The following LMBRD1 variants were observed in gnomAD, a reference collection of about 807,000 sequenced individuals.
LMBRD1 encodes the protein LMBR1 domain containing 1.
LMBRD1 carries 64 observed loss-of-function variants against 74.8 expected under a neutral mutation model. That is an observed-to-expected ratio of 0.86 (90% CI 0.70 to 1.05). The LOEUF (loss-of-function observed/expected upper bound fraction) is 1.05. Among genes scored for constraint, LMBRD1 ranks in the 50% least tolerant of loss-of-function variants. The pLI, the probability that LMBRD1 is intolerant of heterozygous loss-of-function variation, is 0.00. For synonymous variants in LMBRD1, 204 were observed against 216.3 expected (o/e 0.94, Z 0.50); for missense variants, 652 against 645.9 (o/e 1.01, Z -0.10).
Position 69,709,601 on chromosome 6 carries a change from C to T in LMBRD1, c.915+4044G>A, listed in dbSNP as rs577469296. 2.0e-5 allele frequency among the ~76,000 whole-genome samples: 3 copies of T among 152,236 alleles called. No homozygotes were observed. The East Asian group carries it at 5.8e-4, about 29-fold the overall frequency. ...GTAAAAAATAAAAGCAATTACAAAT[C>T]TTATAAGGAAGAAGTAAAACTGTCT... On this transcript the variant is annotated intron_variant, in intron 9 of 15. Coordinates refer to ENST00000649934, the MANE Select transcript of LMBRD1 (RefSeq NM_018368.4).
In LMBRD1 at chr6:69,750,784, T is replaced by C. The variant is rs1265959577; in HGVS notation, c.406-1376A>G. ...TGGTTTTTCCAAATATAGAGTAAAA[T>C]AGTATCTGCAAATAACAATTTTGAC... is the stretch of plus-strand genomic sequence containing the variant. On this transcript the variant is annotated intron_variant, in intron 4 of 15. Transcript: ENST00000649934. Among the ~76,000 whole-genome samples the C allele has an allele frequency of 2.6e-5, 4 of 152,126 alleles. No individual in the cohort carries two copies. In the East Asian group the frequency reaches 5.8e-4, roughly 22 times the overall value.
At chr6:69,745,387 T>G (rs1468222249) in intron 5 of LMBRD1, among the ~76,000 whole-genome samples, 2 of 150,746 alleles carry the variant, frequency 1.3e-5, no homozygotes, top group Non-Finnish European at 1.5e-5. Context: ...GCCTCCCGAG[T>G]AGCTGGGACT....
chr6:69,717,170 T>G (rs1333526729), intron 8 of LMBRD1, among the ~76,000 whole-genome samples: 1 of 152,144 alleles, frequency 6.6e-6, no homozygotes, highest in Non-Finnish European at 1.5e-5. Flanking sequence ...TAATGATTTT[T>G]ATGTTTACAT....
chr6:69,781,926 T>C (rs1299789824), intron 2 of LMBRD1, among the ~76,000 whole-genome samples: 1 of 152,106 alleles, frequency 6.6e-6, no homozygotes, highest in Non-Finnish European at 1.5e-5. Context: ...CAAAACAAGC[T>C]AGGGCCAGAA....
At chr6:69,679,878 T>C (rs1765625381) in intron 14 of LMBRD1, among the ~76,000 whole-genome samples, 1 of 152,142 alleles carries the variant, frequency 6.6e-6, no homozygotes, top group African/African-American at 2.4e-5. Flanking sequence ...TGGCGCTTAA[T>C]ATTAATTTTC....
intron 14 of LMBRD1, among the ~76,000 whole-genome samples, chr6:69,690,567 G>A (rs1165701478): frequency 6.6e-6 from 1 of 151,982 alleles, no homozygotes; most frequent in African/African-American, 2.4e-5. Context: ...CAGTATGTGG[G>A]ATTTTTAAAG....
intron 1 of LMBRD1, among the ~76,000 whole-genome samples, chr6:69,794,609 T>G (rs1766170531): frequency 6.6e-6 from 1 of 152,240 alleles, no homozygotes; most frequent in Non-Finnish European, 1.5e-5. Context: ...TGACAGTATT[T>G]GATACCAATG....
intron 1 of LMBRD1, among the ~76,000 whole-genome samples, chr6:69,794,045 T>C (rs372473249): frequency 1.3e-5 from 2 of 152,224 alleles, no homozygotes; most frequent in East Asian, 1.9e-4. Flanking sequence ...TAGTAGATGA[T>C]TGGCAGAAGT....
intron 3 of LMBRD1, among the ~76,000 whole-genome samples, chr6:69,771,818 C>T (rs1765583175): frequency 1.3e-5 from 2 of 151,804 alleles, no homozygotes; most frequent in Admixed American, 1.3e-4. Flanking sequence ...GTGGAAAAGA[C>T]AGACTTCTGT....
chr6:69,702,021 T>C lies in LMBRD1; in HGVS notation c.916-68A>G, dbSNP rs1766143785. On this transcript the variant is annotated intron_variant, in intron 9 of 15. Coordinates refer to ENST00000649934, the MANE Select transcript of LMBRD1 (RefSeq NM_018368.4). ...TGATATTAAAAGCACAAAATCATTA[T>C]ATTCAATATGAGTTGCTAGAATATG... The C allele has an allele frequency of 8.9e-6, 8 of 899,506 alleles. No individual in the cohort carries two copies. The South Asian group carries it at 9.6e-5, about 11-fold the overall frequency. The allele number at this position is 899,506 out of a possible 1,614,324, so 55.7% of individuals were successfully genotyped here.
rs942671723 is a variant in LMBRD1, at chr6:69,787,635, A to C, written c.246+2661T>G. ...GCGGTGTGCATCTGTAATCCCAGAT[A>C]CTCAGGAAGCTCTGGCAGAAGAATC... On this transcript the variant is annotated intron_variant, in intron 2 of 15. Transcript: ENST00000649934. Among the ~76,000 whole-genome samples the C allele has an allele frequency of 1.4e-4, 21 of 152,176 alleles. 1 individual carries two copies. Among genetic ancestry groups the C allele is most frequent in the Non-Finnish European group, 3.1e-4 (21 of 68,034 alleles).
Position 69,705,645 on chromosome 6 carries a change from C to A in LMBRD1, c.916-3692G>T, listed in dbSNP as rs950681442. On this transcript the variant is annotated intron_variant, in intron 9 of 15. Coordinates refer to ENST00000649934, the MANE Select transcript of LMBRD1 (RefSeq NM_018368.4). The stretch of plus-strand genomic sequence containing the variant: ...CTTATTATCAAAATCATCATTATCA[C>A]CATCTTCATCATTATCATCATCATC... The A allele has an allele frequency of 5.7e-6, 5 of 883,578 alleles. No homozygotes were observed. The African/African-American group carries it at 8.4e-5, about 15-fold the overall frequency. 54.7% of individuals were successfully genotyped at this position (883,578 alleles called of 1,614,324 possible).
intron 14 of LMBRD1, among the ~76,000 whole-genome samples, chr6:69,688,779 T>C (rs1174933375): frequency 6.6e-6 from 1 of 152,074 alleles, no homozygotes; most frequent in Non-Finnish European, 1.5e-5. Flanking sequence ...ACTTCTTTCC[T>C]GAGGCACACA....
intron 1 of LMBRD1, 38 bp from the exon 2 acceptor site, chr6:69,790,510 G>C (rs764458347): frequency 1.3e-6 from 2 of 1,585,270 alleles, no homozygotes; most frequent in Admixed American, 1.7e-5. Context: ...TTACTACCCA[G>C]TGTATTTTCT....
At chr6:69,713,928 A>T (rs922028675) in intron 8 of LMBRD1, 131 bp from the exon 9 acceptor site, 3 of 856,480 alleles carry the variant, frequency 3.5e-6, no homozygotes, top group African/African-American at 1.7e-5. Context: ...AACTAAAAAA[A>T]ACCTGACAAC....
At chr6:69,710,992 G>A (rs922137773) in intron 9 of LMBRD1, among the ~76,000 whole-genome samples, 2 of 152,052 alleles carry the variant, frequency 1.3e-5, no homozygotes. Flanking sequence ...CTACACAAAG[G>A]TTTGTACAAA....
Position 69,790,297 on chromosome 6 carries a change from T to C in LMBRD1, c.245A>G (p.Lys82Arg). 1 of 1,602,002 alleles carries C rather than the reference T, an allele frequency of 6.2e-7. No individual in the cohort carries two copies. Among genetic ancestry groups the C allele is most frequent in the Non-Finnish European group, 8.6e-7 (1 of 1,169,278 alleles). The change falls in exon 2 of 16, where the codon AAG (lysine) becomes AGG (arginine). Residue 82 changes from lysine (K) to arginine (R), a missense_variant and splice_region_variant. Around this residue, in one of 3 missense-constraint regions of LMBRD1, gnomAD observed 598 missense variants for 581.8 expected, o/e 1.03. Transcript: ENST00000649934. ...TCTGCAAAGTAAGATTATATTTACC[T>C]TAAATGTACCATTTTGATTTTTCAT... ...SYMKNQNGTFKDWANANVSRQ... is the reference protein window; with the variant it reads ...SYMKNQNGTFRDWANANVSRQ...
rs182536813 is a variant in LMBRD1, at chr6:69,709,523, T to A, written c.915+4122A>T. Among the ~76,000 whole-genome samples the A allele has an allele frequency of 1.1e-4, 17 of 152,224 alleles. No homozygotes were observed. The East Asian group carries it at 2.3e-3, about 21-fold the overall frequency. ...GATCAATATTCAGAAATGACACATT[T>A]ACTAACAAAAAGAATAACTGTACTG... On this transcript the variant is annotated intron_variant, in intron 9 of 15. Coordinates refer to ENST00000649934, the MANE Select transcript of LMBRD1 (RefSeq NM_018368.4).
At chr6:69,723,185 T>C (rs1049725936) in intron 7 of LMBRD1, among the ~76,000 whole-genome samples, 4 of 152,004 alleles carry the variant, frequency 2.6e-5, no homozygotes, top group Non-Finnish European at 4.4e-5. Context: ...GCAAATATTA[T>C]TAGAGTTAGA....
Sources: gnomAD v4.1 joint callset for allele counts (sites outside exome capture counted in the v4.1 genomes callset) on GRCh38, gnomAD v4.1.1 for gene constraint, gnomAD v4.1.1 regional missense constraint, MANE v1.5 for transcripts, NCBI Gene and HGNC (gene_info 2026-07-23, HGNC 2026-07-21) for gene names.